The following ADGRB3 variants were observed in gnomAD, a reference collection of about 807,000 sequenced individuals.
ADGRB3 encodes the protein brain-specific angiogenesis inhibitor 3.
A neutral mutation model predicts 193.4 loss-of-function variants in ADGRB3; 37 were observed. That is an observed-to-expected ratio of 0.19 (90% CI 0.15 to 0.25). The LOEUF is 0.25. ADGRB3 is among the 10% of genes least tolerant of loss of function. ADGRB3 has a pLI of 1.00. For missense variants in ADGRB3, 1,637 were observed against 1,852.9 expected (o/e 0.88, Z 2.14); for synonymous variants, 690 against 644.2 (o/e 1.07, Z -1.08).
At chr6:69,386,224 G>T (rs984223829) in intron 31 of ADGRB3, among the ~76,000 whole-genome samples, 2 of 152,006 alleles carry the variant, frequency 1.3e-5, no homozygotes, top group Non-Finnish European at 2.9e-5. Context: ...TTTAAAATTG[G>T]CCATTTTAGT....
chr6:69,194,434 C>T (rs1374199799), intron 17 of ADGRB3, among the ~76,000 whole-genome samples: 1 of 152,108 alleles, frequency 6.6e-6, no homozygotes, highest in Non-Finnish European at 1.5e-5. Flanking sequence ...AGAAAATCAG[C>T]AGAATTTCTT....
chr6:68,833,718 G>C (rs1447599773), intron 3 of ADGRB3, among the ~76,000 whole-genome samples: 1 of 151,568 alleles, frequency 6.6e-6, no homozygotes, highest in African/African-American at 2.4e-5. Flanking sequence ...ATAGAAAAAA[G>C]TTGCTATTTT....
At chr6:69,341,531 C>G (rs1366113840) in intron 26 of ADGRB3, among the ~76,000 whole-genome samples, 5 of 152,132 alleles carry the variant, frequency 3.3e-5, no homozygotes, top group African/African-American at 1.2e-4. Context: ...AGTATTTTAG[C>G]ATTTAAAAAG....
chr6:69,366,392 C>A (rs1040002584), intron 29 of ADGRB3, among the ~76,000 whole-genome samples: 4 of 152,026 alleles, frequency 2.6e-5, no homozygotes, highest in Non-Finnish European at 5.9e-5. Flanking sequence ...GGCATATTGC[C>A]ATTCATTAGT....
At chr6:68,808,387 A>G (rs537550029) in intron 3 of ADGRB3, among the ~76,000 whole-genome samples, 45 of 151,926 alleles carry the variant, frequency 3.0e-4, no homozygotes, top group Non-Finnish European at 4.6e-4. Context: ...CTTTACTCCA[A>G]TAAGAAGGGG....
rs551370394 is a variant in ADGRB3 at position 69,382,559 on chromosome 6, A to G, written c.4276-272A>G. ...CTTTTGAATAATGAAAATCTTACTC[A>G]GAAATGACTGGTACATTTTTAATGT... On this transcript the variant is annotated intron_variant, in intron 30 of 31. Coordinates refer to ENST00000370598, the MANE Select transcript of ADGRB3 (RefSeq NM_001704.3). Among the ~76,000 whole-genome samples the G allele has an allele frequency of 4.6e-5, 7 of 152,094 alleles. No homozygotes were observed. In the East Asian group the frequency reaches 1.4e-3, roughly 30 times the overall value.
At chr6:68,785,562 G>C (rs1562028691) in intron 3 of ADGRB3, among the ~76,000 whole-genome samples, 1 of 151,896 alleles carries the variant, frequency 6.6e-6, no homozygotes, top group Non-Finnish European at 1.5e-5. Context: ...ATCGTTGTTG[G>C]ACATTTGAGT....
chr6:69,127,055 T>G (rs1008786135), intron 17 of ADGRB3, among the ~76,000 whole-genome samples: 2 of 152,204 alleles, frequency 1.3e-5, no homozygotes, highest in Non-Finnish European at 2.9e-5. Flanking sequence ...GAATAGTGTG[T>G]GGGAAGCAAA....
chr6:68,743,386 T>G (rs745395037), intron 3 of ADGRB3, among the ~76,000 whole-genome samples: 1 of 151,926 alleles, frequency 6.6e-6, no homozygotes, highest in South Asian at 2.1e-4. Context: ...TTCTTGTTAG[T>G]GGTAGATTTG....
chr6:69,144,715 G>T (rs1774431629), intron 17 of ADGRB3, among the ~76,000 whole-genome samples: 1 of 152,050 alleles, frequency 6.6e-6, no homozygotes, highest in African/African-American at 2.4e-5. Context: ...CATACTGATT[G>T]ATTTGCATAT....
At chr6:69,300,271 C>T (rs189519959) in intron 20 of ADGRB3, among the ~76,000 whole-genome samples, 14 of 151,730 alleles carry the variant, frequency 9.2e-5, no homozygotes, top group Admixed American at 4.6e-4. Flanking sequence ...TTAAACATTC[C>T]GTAATGATAA....
At chr6:69,072,929 A>G (rs1772117912) in intron 16 of ADGRB3, among the ~76,000 whole-genome samples, 1 of 152,222 alleles carries the variant, frequency 6.6e-6, no homozygotes, top group South Asian at 2.1e-4. Context: ...AGAAGAAACC[A>G]ATTTAATACA....
chr6:68,839,109 C>CACACAT (rs762465422), intron 3 of ADGRB3, among the ~76,000 whole-genome samples: 4,417 of 135,138 alleles, frequency 0.033, 498 homozygotes, highest in African/African-American at 0.11. Context: ...CACACACACA[C>CACACAT]ATTCCCACAT....
At chr6:69,161,896 A>G (rs1775000139) in intron 17 of ADGRB3, among the ~76,000 whole-genome samples, 1 of 152,144 alleles carries the variant, frequency 6.6e-6, no homozygotes, top group Non-Finnish European at 1.5e-5. Context: ...CCTCAGAGTG[A>G]GCAAGCAAGA....
At chr6:68,950,186 TGAGACTACAGGTGCGC>T (rs1767878281) in intron 6 of ADGRB3, among the ~76,000 whole-genome samples, 1 of 152,128 alleles carries the variant, frequency 6.6e-6, no homozygotes, top group African/African-American at 2.4e-5. Flanking sequence ...CTTGAGTAGC[TGAGACTACAGGTGCGC>T]AATACCATAC....
chr6:69,034,552 A>G (rs2150295165), intron 13 of ADGRB3, among the ~76,000 whole-genome samples: 1 of 148,040 alleles, frequency 6.8e-6, no homozygotes, highest in South Asian at 2.1e-4. Context: ...TACTACATAT[A>G]ATTATATAAA....
At chr6:69,143,223 G>C (rs1273173589) in intron 17 of ADGRB3, among the ~76,000 whole-genome samples, 6 of 152,008 alleles carry the variant, frequency 3.9e-5, no homozygotes, top group African/African-American at 1.4e-4. Flanking sequence ...CATTTTAATT[G>C]AATTCACAGA....
intron 3 of ADGRB3, among the ~76,000 whole-genome samples, chr6:68,755,296 G>A (rs1766277633): frequency 6.6e-6 from 1 of 152,186 alleles, no homozygotes; most frequent in Admixed American, 6.6e-5. Context: ...CAATGAGGAT[G>A]ATAAGTGAAA....
At chr6:69,085,964 A>G (rs922692816) in intron 17 of ADGRB3, among the ~76,000 whole-genome samples, 1 of 151,964 alleles carries the variant, frequency 6.6e-6, no homozygotes, top group Non-Finnish European at 1.5e-5. Context: ...TAGAATAAAA[A>G]TGCATGTATC....
Sources: allele counts gnomAD v4.1 joint callset (sites outside exome capture counted in the v4.1 genomes callset), GRCh38; gene constraint gnomAD v4.1.1; transcripts MANE v1.5; gene names NCBI Gene and HGNC (gene_info 2026-07-23, HGNC 2026-07-21).